TNKS: variants seen among roughly 807,000 people sequenced by gnomAD.
TNKS encodes tankyrase, also known as poly [ADP-ribose] polymerase tankyrase-1.
A neutral mutation model predicts 135.8 loss-of-function variants in TNKS; 72 were observed. That is an observed-to-expected ratio of 0.53 (90% CI 0.44 to 0.64). The LOEUF (loss-of-function observed/expected upper bound fraction) is 0.64, where lower values mean the gene tolerates loss of function less well. Among genes scored for constraint, TNKS ranks in the 30% least tolerant of loss-of-function variants. The probability of loss-of-function intolerance (pLI) is 0.00; values close to 1 mark genes in which losing one functional copy is unlikely to be tolerated. For missense variants in TNKS, 1,769 were observed against 1,674.0 expected, an observed-to-expected ratio of 1.06 and a Z score of -0.99; for synonymous variants, 849 against 649.3, an observed-to-expected ratio of 1.31 and a Z score of -4.68.
At chr8:9,685,610 A>G (rs12677313) in intron 5 of TNKS, among the ~76,000 whole-genome samples, 94,582 of 152,030 alleles carry the variant, frequency 0.62, 29,828 homozygotes, top group Middle Eastern at 0.72. Context: ...AAAATAACCT[A>G]TAGATTGTCT....
intron 14 of TNKS, among the ~76,000 whole-genome samples, chr8:9,731,692 C>G (rs866383999): frequency 2.6e-5 from 4 of 152,236 alleles, no homozygotes; most frequent in Middle Eastern, 3.4e-3. Flanking sequence ...CTTTTTTCCA[C>G]TCAGTAGTGT....
intron 2 of TNKS, among the ~76,000 whole-genome samples, chr8:9,614,054 A>G (rs190367258): frequency 6.6e-6 from 1 of 152,320 alleles, no homozygotes; most frequent in Non-Finnish European, 1.5e-5. Flanking sequence ...GCAACTAAAT[A>G]AAGTTAGAGA....
rs1394654849 is a variant in TNKS at position 9,778,320 on chromosome 8, A to T, written c.*1584A>T. The T allele has an allele frequency of 6.6e-6, 1 of 152,356 alleles. No individual in the cohort carries two copies. The highest frequency in any genetic ancestry group is 1.5e-5 in the Non-Finnish European group (1 of 68,034). The allele number at this position is 152,356 out of a possible 1,614,324, so 9.4% of individuals were successfully genotyped here. A position where few individuals can be genotyped will look rare whatever the true frequency, so the allele number is the denominator to read the frequency against. ...CAGTGTGACACAAACTTGCCATTGC[A>T]ATTCAAAGCCCTGAAAACGATGGGT... On this transcript the variant is annotated 3_prime_UTR_variant, in exon 27 of 27. Transcript: ENST00000310430.
chr8:9,678,626 C>T (rs1410544214), intron 3 of TNKS, among the ~76,000 whole-genome samples: 2 of 152,052 alleles, frequency 1.3e-5, no homozygotes, highest in African/African-American at 4.8e-5. Context: ...GGAGGCAAGA[C>T]AAAATTAAAG....
rs143302949 is a variant in TNKS at position 9,632,243 on chromosome 8, G to A, written c.994+16566G>A. Among the ~76,000 whole-genome samples the A allele has an allele frequency of 7.4e-3, 1,123 of 152,246 alleles. 12 individuals are homozygous for A. The highest frequency in any genetic ancestry group is 0.013 in the Non-Finnish European group (888 of 68,006). ...GCTATTTGAATTTTATGAGTCATAT[G>A]TCATTGCTAATGTCAAGCTTCCCTA... On this transcript the variant is annotated intron_variant, in intron 3 of 26. Transcript: ENST00000310430.
Position 9,748,071 on chromosome 8 carries a change from T to C in TNKS, c.2691T>C (p.Asn897=), listed in dbSNP as rs1486267799. ...ALLIKYNTCV[N]ATDKWAFTPL... ...TGATAAAATACAACACGTGTGTAAA[T>C]GCAACAGATAAGTGGGCGTTTACTC... Residue 897 remains asparagine (N), a synonymous_variant, in exon 18 of 27, where the codon AAT becomes AAC. Coordinates refer to ENST00000310430, the MANE Select transcript of TNKS (RefSeq NM_003747.3). 2 of 1,613,334 alleles carry C rather than the reference T, an allele frequency of 1.2e-6. No homozygotes were observed. The highest frequency in any genetic ancestry group is 2.7e-5 in the African/African-American group (2 of 74,840).
At chr8:9,605,256 T>C (rs893611130) in intron 2 of TNKS, among the ~76,000 whole-genome samples, 2 of 152,076 alleles carry the variant, frequency 1.3e-5, no homozygotes, top group Non-Finnish European at 2.9e-5. Flanking sequence ...TCTAGAAATA[T>C]GTTCTTGTGT....
Position 9,776,850 on chromosome 8 carries a change from C to A in TNKS, c.*114C>A. 1.0e-6 allele frequency: 1 copy of A among 992,656 alleles called. No individual in the cohort carries two copies. Among genetic ancestry groups the A allele is most frequent in the Non-Finnish European group, 1.5e-6 (1 of 657,540 alleles). 61.5% of individuals were successfully genotyped at this position (992,656 alleles called of 1,614,324 possible). Reference sequence around the variant, plus strand: ...AAGTCCCTGACAGCCTAGAAATAAGCTGTTTGTCTTCTATAAAGCATTGCT... The same window carrying A: ...AAGTCCCTGACAGCCTAGAAATAAGATGTTTGTCTTCTATAAAGCATTGCT... On this transcript the variant is annotated 3_prime_UTR_variant, in exon 27 of 27. Transcript: ENST00000310430.
chr8:9,574,934 T>C (rs28696132), intron 1 of TNKS: 78,316 of 608,218 alleles, frequency 0.13, 5,492 homozygotes, highest in Admixed American at 0.24. Context: ...CTTAGAAATA[T>C]AGCACTCTTG....
chr8:9,758,351 G>C (rs1053157208), intron 20 of TNKS, among the ~76,000 whole-genome samples: 2 of 151,034 alleles, frequency 1.3e-5, no homozygotes, highest in Admixed American at 6.6e-5. Flanking sequence ...CAGGTTGATA[G>C]CTTTTCATCT....
intron 26 of TNKS, among the ~76,000 whole-genome samples, chr8:9,775,396 G>C (rs1808167678): frequency 7.0e-6 from 1 of 143,688 alleles, no homozygotes; most frequent in African/African-American, 2.5e-5. Context: ...AATAGAAACT[G>C]TTGTTGTTTT....
chr8:9,586,777 T>G (rs1387518970), intron 2 of TNKS, among the ~76,000 whole-genome samples: 2 of 148,586 alleles, frequency 1.3e-5, no homozygotes, highest in Admixed American at 6.7e-5. Flanking sequence ...AGTTAGGTGG[T>G]AAATAATCCA....
chr8:9,637,185 G>A (rs778327437), intron 3 of TNKS, among the ~76,000 whole-genome samples: 11 of 152,198 alleles, frequency 7.2e-5, no homozygotes, highest in Non-Finnish European at 1.3e-4. Flanking sequence ...AAATTAATTA[G>A]ACAGGAAATC....
At chr8:9,634,997 C>T (rs2128773500) in intron 3 of TNKS, among the ~76,000 whole-genome samples, 1 of 152,068 alleles carries the variant, frequency 6.6e-6, no homozygotes, top group South Asian at 2.1e-4. Flanking sequence ...AACCCCGTCT[C>T]TACTAAAAAT....
chr8:9,571,302 A>G (rs937142075), intron 1 of TNKS, among the ~76,000 whole-genome samples: 2 of 152,212 alleles, frequency 1.3e-5, no homozygotes, highest in South Asian at 2.1e-4. Context: ...CTAAGTTCAC[A>G]TAGCAGAAAT....
chr8:9,604,774 ATTTTAT>A (rs956626487), intron 2 of TNKS, among the ~76,000 whole-genome samples: 2 of 151,416 alleles, frequency 1.3e-5, no homozygotes, highest in Non-Finnish European at 3.0e-5. Context: ...GTATATATAT[ATTTTAT>A]TTTTATTTTT....
rs115296010 is a variant in TNKS at position 9,599,918 on chromosome 8, A to T, written c.899-15664A>T. Among the ~76,000 whole-genome samples, 705 of 152,310 alleles carry T rather than the reference A, an allele frequency of 4.6e-3. 2 individuals are homozygous for T. Among genetic ancestry groups the T allele is most frequent in the African/African-American group, 0.015 (620 of 41,558 alleles). ...AGTTTGTCCATAAAGATTGAAGGAG[A>T]TGCATTTAACTCATTAAGTCATATA... is the stretch of plus-strand genomic sequence containing the variant. On this transcript the variant is annotated intron_variant, in intron 2 of 26. Coordinates refer to ENST00000310430, the MANE Select transcript of TNKS (RefSeq NM_003747.3).
chr8:9,682,230 T>C (rs1802811983), intron 5 of TNKS, among the ~76,000 whole-genome samples: 1 of 152,112 alleles, frequency 6.6e-6, no homozygotes, highest in South Asian at 2.1e-4. Flanking sequence ...AGAGCTTGTT[T>C]CGCCCGGCCT....
intron 3 of TNKS, among the ~76,000 whole-genome samples, chr8:9,639,474 A>G (rs1800642379): frequency 6.6e-6 from 1 of 151,680 alleles, no homozygotes; most frequent in South Asian, 2.1e-4. Flanking sequence ...TAAAATGTAT[A>G]CATAGATAAT....
Sources: allele counts gnomAD v4.1 joint callset (sites outside exome capture counted in the v4.1 genomes callset), GRCh38; gene constraint gnomAD v4.1.1; transcripts MANE v1.5; gene names NCBI Gene and HGNC (gene_info 2026-07-23, HGNC 2026-07-21).